Variants in ADAM7 observed in about 807,000 individuals in gnomAD.
The protein encoded by ADAM7 is ADAM metallopeptidase domain 7.
ADAM7 carries 97 observed loss-of-function variants against 102.9 expected under a neutral mutation model. The observed-to-expected ratio is 0.94, with a 90% CI of 0.80 to 1.12. The LOEUF is 1.12. Ranked by LOEUF, ADAM7 falls within the 50% of genes most tolerant of loss-of-function variation. The pLI is 0.00. For synonymous variants in ADAM7, 334 were observed against 304.4 expected (o/e 1.10, Z -1.01); for missense variants, 991 against 908.7 (o/e 1.09, Z -1.16).
At chr8:24,489,443 TA>T in intron 12 of ADAM7, 110 bp downstream of exon 12, 1 of 1,094,136 alleles carries the variant, frequency 9.1e-7, no homozygotes, top group South Asian at 2.2e-5. Flanking sequence ...GTAAAACTTT[TA>T]AAAATTTTGC....
intron 10 of ADAM7, 146 bp downstream of exon 10, chr8:24,485,507 T>G (rs906031283): frequency 6.5e-6 from 4 of 619,594 alleles, no homozygotes; most frequent in Non-Finnish European, 1.0e-5. Flanking sequence ...GCTTCCTTTA[T>G]TAAATGAATA....
At chr8:24,456,801 C>T (rs1819052389) in intron 3 of ADAM7, among the ~76,000 whole-genome samples, 1 of 152,078 alleles carries the variant, frequency 6.6e-6, no homozygotes, top group Admixed American at 6.6e-5. Context: ...TCTTTATTTT[C>T]TTGCAGTATT....
chr8:24,477,546 T>C (rs559080538), intron 8 of ADAM7, among the ~76,000 whole-genome samples: 1 of 120,968 alleles, frequency 8.3e-6, no homozygotes, highest in East Asian at 2.2e-4. Context: ...CTGGTCTATG[T>C]GTCCCTTGGG....
intron 3 of ADAM7, among the ~76,000 whole-genome samples, chr8:24,454,553 T>A (rs1376409840): frequency 6.6e-6 from 1 of 152,220 alleles, no homozygotes; most frequent in Non-Finnish European, 1.5e-5. Flanking sequence ...AGGTGCCATC[T>A]GTCACCCCTT....
Position 24,501,606 on chromosome 8 carries a change from T to C in ADAM7, c.2208+30T>C, listed in dbSNP as rs750423895. 3.9e-6 allele frequency: 6 copies of C among 1,527,170 alleles called. No homozygotes were observed. In the South Asian group the frequency reaches 7.3e-5, roughly 19 times the overall value. The allele number at this position is 1,527,170 out of a possible 1,614,324, so 94.6% of individuals were successfully genotyped here. Reference sequence around the variant, plus strand: ...GAAACTTCCATTTGCAACAGTTAATTTATTGATTTTTTTTTTTTAAGTAGC... The same window carrying C: ...GAAACTTCCATTTGCAACAGTTAATCTATTGATTTTTTTTTTTTAAGTAGC... On this transcript the variant is annotated intron_variant, in intron 20 of 21. Transcript: ENST00000175238.
chr8:24,506,643 CT>C (rs1230386899), intron 20 of ADAM7, among the ~76,000 whole-genome samples: 5 of 151,998 alleles, frequency 3.3e-5, no homozygotes, highest in African/African-American at 1.2e-4. Flanking sequence ...GGGCTCTCCC[CT>C]GGAACCCTCA....
At chr8:24,445,246 T>C (rs1315359285) in intron 2 of ADAM7, among the ~76,000 whole-genome samples, 2 of 152,134 alleles carry the variant, frequency 1.3e-5, no homozygotes, top group Non-Finnish European at 1.5e-5. Flanking sequence ...CCTTTCTATC[T>C]GATTAAGTAC....
chr8:24,495,241 C>T (rs371199522), intron 16 of ADAM7, among the ~76,000 whole-genome samples: 218 of 152,266 alleles, frequency 1.4e-3, no homozygotes, highest in African/African-American at 5.0e-3. Flanking sequence ...AGCCACTCTT[C>T]AAACAAAGAA....
intron 6 of ADAM7, chr8:24,467,318 A>ATTT: frequency 1.2e-5 from 4 of 333,558 alleles, no homozygotes; most frequent in South Asian, 8.5e-5. Context: ...CTTCCCTGCC[A>ATTT]TTTTTTTTTG....
chr8:24,465,333 T>A (rs1819390275), intron 4 of ADAM7, among the ~76,000 whole-genome samples: 1 of 152,176 alleles, frequency 6.6e-6, no homozygotes, highest in Non-Finnish European at 1.5e-5. Flanking sequence ...CCAACTTGAT[T>A]GAAACAGAGA....
Position 24,466,971 on chromosome 8 carries a change from G to T in ADAM7, c.562G>T (p.Glu188Ter). 1 of 1,613,674 alleles carries T rather than the reference G, an allele frequency of 6.2e-7. No homozygotes were observed. The highest frequency in any genetic ancestry group is 8.5e-7 in the Non-Finnish European group (1 of 1,179,706). Residue 188 changes from glutamate (E) to a stop codon, truncating the protein, a stop_gained, in exon 6 of 22, where the codon GAA (glutamate) becomes TAA (stop). Coordinates refer to ENST00000175238, the MANE Select transcript of ADAM7 (RefSeq NM_003817.4). LOFTEE classifies it high-confidence loss of function. ...TGTTCCAGGGGATAATGAATCTGAAGAAGACTCCAAAATAAAAGTGAGTAC... is the reference window on the plus strand; with the variant it reads ...TGTTCCAGGGGATAATGAATCTGAATAAGACTCCAAAATAAAAGTGAGTAC... ...KTVPGDNESEEDSKIKGIHDE... is the reference protein window; with the variant it reads ...KTVPGDNESE
At chr8:24,463,389 A>G (rs965794803) in intron 3 of ADAM7, among the ~76,000 whole-genome samples, 3 of 152,138 alleles carry the variant, frequency 2.0e-5, no homozygotes, top group African/African-American at 4.8e-5. Flanking sequence ...GGGTCTTGCC[A>G]TGGGGGAGAG....
intron 3 of ADAM7, among the ~76,000 whole-genome samples, chr8:24,458,894 A>T (rs1171621488): frequency 6.6e-6 from 1 of 151,840 alleles, no homozygotes; most frequent in Admixed American, 6.6e-5. Flanking sequence ...TTTGTTCATT[A>T]TACCTTATAT....
chr8:24,465,278 T>C (rs1439761406), intron 4 of ADAM7, among the ~76,000 whole-genome samples: 4 of 152,262 alleles, frequency 2.6e-5, no homozygotes, highest in African/African-American at 9.6e-5. Context: ...AATTACCTGA[T>C]TGGACTACCA....
rs181648731 is a variant in ADAM7 at position 24,468,080 on chromosome 8, T to A, written c.580-687T>A. On this transcript the variant is annotated intron_variant, in intron 6 of 21. Coordinates refer to ENST00000175238, the MANE Select transcript of ADAM7 (RefSeq NM_003817.4). Reference sequence around the variant, plus strand: ...GACCCTGTCTCAAAAGAAAAATAAATAAAAATAAATTTAAAAAAAAGATCT... The same window carrying A: ...GACCCTGTCTCAAAAGAAAAATAAAAAAAAATAAATTTAAAAAAAAGATCT... 3.3e-5 allele frequency among the ~76,000 whole-genome samples: 5 copies of A among 151,806 alleles called. No homozygotes were observed. The East Asian group carries it at 9.7e-4, about 29-fold the overall frequency.
chr8:24,466,890 A>C lies in ADAM7; in HGVS notation c.481A>C (p.Arg161=). The C allele has an allele frequency of 6.2e-7, 1 of 1,614,054 alleles. No individual in the cohort carries two copies. The change falls in exon 6 of 22, where the codon AGG becomes CGG. Residue 161 remains arginine (R), a synonymous_variant. Coordinates refer to ENST00000175238, the MANE Select transcript of ADAM7 (RefSeq NM_003817.4). Reference sequence around the variant, plus strand: ...ACATTTGGTGTTCAAATATAACCTGAGGGTGCCGTATGGTGCCAATTATTC... The same window carrying C: ...ACATTTGGTGTTCAAATATAACCTGCGGGTGCCGTATGGTGCCAATTATTC... ...GEHLVFKYNL[R]VPYGANYSCT... is the part of the protein sequence containing the mutation.
intron 7 of ADAM7, among the ~76,000 whole-genome samples, chr8:24,469,946 G>T (rs1234873655): frequency 6.6e-6 from 1 of 152,076 alleles, no homozygotes; most frequent in African/African-American, 2.4e-5. Flanking sequence ...CTGTAAAAGA[G>T]AACATAAGAG....
chr8:24,499,018 C>T (rs955095985), intron 16 of ADAM7, among the ~76,000 whole-genome samples: 1 of 151,786 alleles, frequency 6.6e-6, no homozygotes, highest in Non-Finnish European at 1.5e-5. Context: ...TAGTACACAC[C>T]CCAATCATCT....
intron 16 of ADAM7, among the ~76,000 whole-genome samples, chr8:24,495,232 G>A (rs939780766): frequency 6.6e-6 from 1 of 152,122 alleles, no homozygotes; most frequent in Non-Finnish European, 1.5e-5. Context: ...ATACAAATGA[G>A]CCACTCTTCA....
Sources: allele counts gnomAD v4.1 joint callset (sites outside exome capture counted in the v4.1 genomes callset), GRCh38; gene constraint gnomAD v4.1.1; transcripts MANE v1.5; gene names NCBI Gene and HGNC (gene_info 2026-07-23, HGNC 2026-07-21).